Variants in FANCI observed in about 807,000 individuals in gnomAD.
FANCI encodes the protein Fanconi anemia group I protein.
FANCI carries 156 observed loss-of-function variants against 176.1 expected under a neutral mutation model. The ratio of observed to expected loss-of-function variants is 0.89; its 90% CI spans 0.78 to 1.01. The LOEUF (loss-of-function observed/expected upper bound fraction) is 1.01. Ranked by LOEUF, FANCI falls within the 50% of genes least tolerant of loss-of-function variation. The pLI, the probability that FANCI is intolerant of heterozygous loss-of-function variation, is 0.00. For missense variants in FANCI, 1,678 were observed against 1,534.1 expected (o/e 1.09, Z -1.57); for synonymous variants, 613 against 541.7 (o/e 1.13, Z -1.83).
intron 27 of FANCI, among the ~76,000 whole-genome samples, chr15:89,303,653 A>AG (rs1207191399): frequency 1.3e-5 from 2 of 152,226 alleles, no homozygotes; most frequent in Non-Finnish European, 2.9e-5. Context: ...GGACATAGAC[A>AG]TTGAGAATTA....
chr15:89,291,865 C>G, intron 20 of FANCI, 151 bp downstream of exon 20: 2 of 696,472 alleles, frequency 2.9e-6, no homozygotes, highest in African/African-American at 1.8e-5. Context: ...ATTTCTGAAC[C>G]ATTATCATTT....
rs373184027 is a variant in FANCI at position 89,261,658 on chromosome 15, T to C, written c.362T>C (p.Leu121Pro). The change falls in exon 5 of 38, where the codon CTA (leucine) becomes CCA (proline). Residue 121 changes from leucine to proline, a missense_variant. Leu to Pro is a moderately conservative substitution (Grantham distance 98). This residue lies in a region of FANCI where 469 missense variants were observed against 436.9 expected (regional missense o/e 1.07). Coordinates refer to ENST00000310775, the MANE Select transcript of FANCI (RefSeq NM_001113378.2). ...ATTAGTGCTGTCAGAGAAGGCAGCCTAGTGAATGGAAAATCTTTGGAGTTA... is the reference window on the plus strand; with the variant it reads ...ATTAGTGCTGTCAGAGAAGGCAGCCCAGTGAATGGAAAATCTTTGGAGTTA... ...EFISAVREGS[L>P]VNGKSLELLP... The C allele has an allele frequency of 9.9e-6, 16 of 1,614,032 alleles. No individual in the cohort carries two copies. Among genetic ancestry groups the C allele is most frequent in the Non-Finnish European group, 1.4e-5 (16 of 1,179,998 alleles).
At chr15:89,287,385 A>G (rs934479637) in intron 18 of FANCI, among the ~76,000 whole-genome samples, 1 of 152,160 alleles carries the variant, frequency 6.6e-6, no homozygotes, top group African/African-American at 2.4e-5. Context: ...GCTTTATAGA[A>G]TTGAAGAGTT....
chr15:89,280,703 AT>A (rs1201806572), intron 14 of FANCI, among the ~76,000 whole-genome samples: 1 of 152,116 alleles, frequency 6.6e-6, no homozygotes, highest in African/African-American at 2.4e-5. Flanking sequence ...TAGATATTTG[AT>A]ATTGCTCTGT....
intron 18 of FANCI, among the ~76,000 whole-genome samples, chr15:89,286,151 C>T (rs2053807476): frequency 6.6e-6 from 1 of 152,054 alleles, no homozygotes; most frequent in African/African-American, 2.4e-5. Flanking sequence ...CACCACCATG[C>T]CCAGCTGATT....
At position 89,275,297 on chromosome 15, in the gene FANCI, G is replaced by T. The variant is rs80306988; in HGVS notation, c.1112+993G>T. 7.7e-3 allele frequency among the ~76,000 whole-genome samples: 1,168 copies of T among 152,032 alleles called. 3 individuals are homozygous for T. The highest frequency in any genetic ancestry group is 0.012 in the Non-Finnish European group (784 of 67,972). Reference sequence around the variant, plus strand: ...TATTTACTTTGTTGAAATTTGGAGCGTACAGTTGGAATTCAATTATTGATT... The same window carrying T: ...TATTTACTTTGTTGAAATTTGGAGCTTACAGTTGGAATTCAATTATTGATT... On this transcript the variant is annotated intron_variant, in intron 12 of 37. Transcript: ENST00000310775.
intron 27 of FANCI, among the ~76,000 whole-genome samples, chr15:89,302,865 G>C (rs936239455): frequency 6.6e-6 from 1 of 152,080 alleles, no homozygotes; most frequent in African/African-American, 2.4e-5. Flanking sequence ...GAGCCACCGC[G>C]CCTGGCCAAA....
chr15:89,297,040 C>T lies in FANCI; in HGVS notation c.2636+1946C>T, dbSNP rs1241388552. ...GGCTGACCCCCACCTCCCTCCTGGACGGGGTGGCTGCCGGGTGGAGACGCT... is the reference window on the plus strand; with the variant it reads ...GGCTGACCCCCACCTCCCTCCTGGATGGGGTGGCTGCCGGGTGGAGACGCT... On this transcript the variant is annotated intron_variant, in intron 24 of 37. Transcript: ENST00000310775. Among the ~76,000 whole-genome samples, 256 of 148,600 alleles carry T rather than the reference C, an allele frequency of 1.7e-3. 2 individuals are homozygous for T. Among genetic ancestry groups the T allele is most frequent in the African/African-American group, 5.7e-3 (227 of 39,942 alleles).
chr15:89,282,951 C>G, intron 16 of FANCI, 185 bp from the exon 17 acceptor site: 1 of 628,320 alleles, frequency 1.6e-6, no homozygotes, highest in South Asian at 1.8e-5. Context: ...AGTTGAATTT[C>G]TGTACTATAA....
At chr15:89,277,026 T>G (rs2053434858) in intron 13 of FANCI, 135 bp downstream of exon 13, 5 of 849,760 alleles carry the variant, frequency 5.9e-6, no homozygotes, top group South Asian at 2.8e-5. Flanking sequence ...TGACAGAGAT[T>G]AGGATAATAT....
At chr15:89,272,906 A>T (rs1403654716) in intron 10 of FANCI, among the ~76,000 whole-genome samples, 1 of 152,036 alleles carries the variant, frequency 6.6e-6, no homozygotes, top group Non-Finnish European at 1.5e-5. Flanking sequence ...ACCTCAAGTG[A>T]CCCACCTGCC....
intron 34 of FANCI, among the ~76,000 whole-genome samples, chr15:89,308,449 T>C (rs926533673): frequency 2.0e-5 from 3 of 152,214 alleles, no homozygotes; most frequent in Admixed American, 1.3e-4. Context: ...TACTGATCTT[T>C]GAGGAATCAA....
intron 27 of FANCI, among the ~76,000 whole-genome samples, chr15:89,303,067 T>C (rs73472616): frequency 0.032 from 4,910 of 152,246 alleles, 219 homozygotes; most frequent in African/African-American, 0.11. Flanking sequence ...CAAGTAAATA[T>C]AGAGTTTTAT....
chr15:89,307,183 G>T (rs992343054), intron 32 of FANCI, among the ~76,000 whole-genome samples: 2 of 152,176 alleles, frequency 1.3e-5, no homozygotes, highest in African/African-American at 4.8e-5. Context: ...CTCTTTATTG[G>T]CATCTTTAAA....
At position 89,260,693 on chromosome 15, in the gene FANCI, C is replaced by G; in HGVS notation, c.158-20C>G. ...AATGTTGTAAGACTTGTTTCTGAAC[C>G]CCCTGTTTAAAACAATAAGGTTCCC... On this transcript the variant is annotated intron_variant, in intron 3 of 37. Coordinates refer to ENST00000310775, the MANE Select transcript of FANCI (RefSeq NM_001113378.2). 6.2e-7 allele frequency: 1 copy of G among 1,612,496 alleles called. No individual in the cohort carries two copies. Among genetic ancestry groups the G allele is most frequent in the East Asian group, 2.2e-5 (1 of 44,798 alleles).
intron 4 of FANCI, 96 bp from the exon 5 acceptor site, chr15:89,261,489 C>A: frequency 6.8e-7 from 1 of 1,474,848 alleles, no homozygotes; most frequent in Non-Finnish European, 9.5e-7. Flanking sequence ...GGATCTCGGT[C>A]AATTCATTTA....
intron 30 of FANCI, 39 bp downstream of exon 30, chr15:89,305,448 ATT>A (rs1333718832): frequency 1.2e-6 from 2 of 1,612,612 alleles, no homozygotes; most frequent in Middle Eastern, 1.8e-4. Flanking sequence ...TAGCTTTGTC[ATT>A]CTTTCCATTC....
In FANCI at chr15:89,246,418, T is replaced by A. The variant is rs568305125; in HGVS notation, c.-19-1211T>A. Among the ~76,000 whole-genome samples the A allele has an allele frequency of 2.6e-5, 4 of 152,008 alleles. No individual in the cohort carries two copies. In the East Asian group the frequency reaches 5.8e-4, roughly 22 times the overall value. On this transcript the variant is annotated intron_variant, in intron 1 of 37. Coordinates refer to ENST00000310775, the MANE Select transcript of FANCI (RefSeq NM_001113378.2). ...CTTGTGAGATTGTCTTTTGCTCAAA[T>A]TTTTTAATGGTTCTCAGTAATTTAC...
intron 15 of FANCI, 70 bp from the exon 16 acceptor site, chr15:89,281,695 G>C: frequency 1.5e-6 from 2 of 1,367,214 alleles, no homozygotes; most frequent in Non-Finnish European, 2.1e-6. Context: ...TATGGTAACA[G>C]TATTGGGTAG....
Sources: gnomAD v4.1 joint callset for allele counts (sites outside exome capture counted in the v4.1 genomes callset) on GRCh38, gnomAD v4.1.1 for gene constraint, gnomAD v4.1.1 regional missense constraint, MANE v1.5 for transcripts, NCBI Gene and HGNC (gene_info 2026-07-23, HGNC 2026-07-21) for gene names.